The following CRPPA variants were observed in gnomAD, a reference collection of about 807,000 sequenced individuals.
CRPPA encodes the protein CDP-L-ribitol pyrophosphorylase A.
Under a neutral mutation model 52.0 loss-of-function variants are expected in CRPPA, and 43 were observed. The observed-to-expected ratio is 0.83, with a 90% CI of 0.65 to 1.07. The LOEUF (loss-of-function observed/expected upper bound fraction) is 1.07, where lower values mean the gene tolerates loss of function less well. Ranked by LOEUF, CRPPA falls within the 50% of genes least tolerant of loss-of-function variation. The pLI is 0.00. For synonymous variants in CRPPA, 250 were observed against 203.5 expected, an observed-to-expected ratio of 1.23 and a Z score of -1.94; for missense variants, 629 against 551.7, an observed-to-expected ratio of 1.14 and a Z score of -1.40.
intron 9 of CRPPA, among the ~76,000 whole-genome samples, chr7:16,199,767 A>G (rs1439605009): frequency 6.6e-6 from 1 of 151,274 alleles, no homozygotes; most frequent in African/African-American, 2.4e-5. Flanking sequence ...TGGTTTCCAG[A>G]TTTTGTGACT....
At chr7:16,333,749 C>T (rs2128430786) in intron 3 of CRPPA, among the ~76,000 whole-genome samples, 1 of 152,216 alleles carries the variant, frequency 6.6e-6, no homozygotes, top group South Asian at 2.1e-4. Context: ...AGCTTCTCCC[C>T]CAATTTCACA....
At chr7:16,216,810 A>G (rs1037126521) in intron 8 of CRPPA, among the ~76,000 whole-genome samples, 1 of 152,162 alleles carries the variant, frequency 6.6e-6, no homozygotes, top group Non-Finnish European at 1.5e-5. Flanking sequence ...AGTCTCACTG[A>G]TTGCTAGCAC....
At chr7:16,237,323 A>G (rs1782980961) in intron 8 of CRPPA, 1 of 152,150 alleles carries the variant, frequency 6.6e-6, no homozygotes, top group Admixed American at 6.6e-5. Flanking sequence ...GGAAGTTGGA[A>G]GTACAAGATC....
chr7:16,182,266 T>G (rs570625440), intron 9 of CRPPA, among the ~76,000 whole-genome samples: 142 of 151,976 alleles, frequency 9.3e-4, no homozygotes, highest in Middle Eastern at 6.8e-3. Context: ...ATAGTAATAA[T>G]TTTACTAATA....
intron 3 of CRPPA, among the ~76,000 whole-genome samples, chr7:16,334,414 T>G (rs1349029561): frequency 6.6e-6 from 1 of 152,152 alleles, no homozygotes; most frequent in African/African-American, 2.4e-5. Context: ...CACCTAACCC[T>G]AGCTGCAGAG....
At chr7:16,350,601 C>T (rs4721491) in intron 3 of CRPPA, among the ~76,000 whole-genome samples, 75,243 of 151,852 alleles carry the variant, frequency 0.5, 19,132 homozygotes, top group South Asian at 0.67. Context: ...AAAAGCCTAT[C>T]ATAGATATAC....
intron 6 of CRPPA, among the ~76,000 whole-genome samples, chr7:16,271,653 C>T (rs1784092262): frequency 6.6e-6 from 1 of 152,040 alleles, no homozygotes; most frequent in South Asian, 2.1e-4. Context: ...TATTTATTGC[C>T]CTTAAAGACT....
At chr7:16,330,253 G>A (rs762873688) in intron 3 of CRPPA, among the ~76,000 whole-genome samples, 28 of 152,086 alleles carry the variant, frequency 1.8e-4, no homozygotes, top group Non-Finnish European at 3.2e-4. Flanking sequence ...CAAACTGTAC[G>A]ACACAGCTTA....
intron 1 of CRPPA, among the ~76,000 whole-genome samples, chr7:16,414,350 AACACACACACACACACAC>A (rs3085030): frequency 4.6e-4 from 64 of 138,766 alleles, no homozygotes; most frequent in African/African-American, 9.8e-4. Flanking sequence ...CCCCTACCCC[AACACACACACACACACAC>A]ACACACACAC....
At chr7:16,300,605 G>T (rs539144397) in intron 5 of CRPPA, among the ~76,000 whole-genome samples, 1 of 152,146 alleles carries the variant, frequency 6.6e-6, no homozygotes, top group Non-Finnish European at 1.5e-5. Context: ...CCAGGGGAAG[G>T]GGAGTGAGGG....
chr7:16,410,876 C>G (rs1246507369), intron 1 of CRPPA, among the ~76,000 whole-genome samples: 2 of 152,180 alleles, frequency 1.3e-5, no homozygotes, highest in Non-Finnish European at 2.9e-5. Context: ...GTTCTGACTT[C>G]AGAGATGGCT....
intron 4 of CRPPA, among the ~76,000 whole-genome samples, chr7:16,302,187 T>A (rs999092429): frequency 6.1e-5 from 9 of 147,232 alleles, no homozygotes; most frequent in African/African-American, 2.3e-4. Context: ...TCCCAGCTAC[T>A]CGGGAGGCTG....
At chr7:16,188,042 ATTTT>A (rs34518390) in intron 9 of CRPPA, among the ~76,000 whole-genome samples, 3,590 of 115,470 alleles carry the variant, frequency 0.031, 144 homozygotes, top group African/African-American at 0.1. Flanking sequence ...ATTTGGGTGA[ATTTT>A]TTTTTTTTTT....
chr7:16,301,064 G>A (rs745480780), intron 5 of CRPPA, among the ~76,000 whole-genome samples: 1 of 152,136 alleles, frequency 6.6e-6, no homozygotes, highest in African/African-American at 2.4e-5. Context: ...GTACCGACAC[G>A]ACACTGTTAA....
At chr7:16,198,482 T>TC (rs922895001) in intron 9 of CRPPA, among the ~76,000 whole-genome samples, 2 of 115,702 alleles carry the variant, frequency 1.7e-5, no homozygotes, top group African/African-American at 7.1e-5. Context: ...CCCTGACACA[T>TC]CCCCCTCTTT....
chr7:16,414,899 C>G (rs1788158954), intron 1 of CRPPA, among the ~76,000 whole-genome samples: 1 of 152,194 alleles, frequency 6.6e-6, no homozygotes, highest in Non-Finnish European at 1.5e-5. Flanking sequence ...GACTACCATT[C>G]TTTAAGATTG....
chr7:16,216,806 A>C (rs552365275), intron 8 of CRPPA, among the ~76,000 whole-genome samples: 6 of 152,130 alleles, frequency 3.9e-5, no homozygotes, highest in African/African-American at 7.2e-5. Flanking sequence ...ACGGAGTCTC[A>C]CTGATTGCTA....
intron 6 of CRPPA, among the ~76,000 whole-genome samples, chr7:16,267,084 A>C (rs1332793080): frequency 1.3e-5 from 2 of 152,238 alleles, no homozygotes; most frequent in African/African-American, 2.4e-5. Context: ...AAAATGAACA[A>C]ATCCTATCTG....
At chr7:16,366,484 A>G (rs1786591304) in intron 3 of CRPPA, among the ~76,000 whole-genome samples, 1 of 152,222 alleles carries the variant, frequency 6.6e-6, no homozygotes, top group Admixed American at 6.5e-5. Context: ...CTAACCTTAT[A>G]TAACTATATT....
Sources: allele counts gnomAD v4.1 joint callset (sites outside exome capture counted in the v4.1 genomes callset), GRCh38; gene constraint gnomAD v4.1.1; transcripts MANE v1.5; gene names NCBI Gene and HGNC (gene_info 2026-07-23, HGNC 2026-07-21).